The following MSRA variants were observed in gnomAD, a reference collection of about 807,000 sequenced individuals.
MSRA encodes mitochondrial peptide methionine sulfoxide reductase.
Under a neutral mutation model 31.3 loss-of-function variants are expected in MSRA, and 54 were observed. That is an observed-to-expected ratio of 1.73 (90% CI 1.39 to 2.17). The LOEUF (loss-of-function observed/expected upper bound fraction) is 2.17, where lower values mean the gene tolerates loss of function less well. Ranked by LOEUF, MSRA falls within the 30% of genes most tolerant of loss-of-function variation. MSRA has a pLI of 0.00. For missense variants in MSRA, 507 were observed against 300.9 expected, an observed-to-expected ratio of 1.69 and a Z score of -5.07; for synonymous variants, 169 against 116.5, an observed-to-expected ratio of 1.45 and a Z score of -2.90.
chr8:10,234,217 G>C (rs1421276918), intron 2 of MSRA, among the ~76,000 whole-genome samples: 1 of 152,126 alleles, frequency 6.6e-6, no homozygotes, highest in Non-Finnish European at 1.5e-5. Context: ...ACAGTAATTA[G>C]TTAAACAATG....
chr8:10,088,548 A>T (rs911703888), intron 1 of MSRA, among the ~76,000 whole-genome samples: 33 of 152,308 alleles, frequency 2.2e-4, no homozygotes, highest in Admixed American at 2.0e-3. Context: ...CAGCCCAGCC[A>T]ACATGGCGAA....
intron 1 of MSRA, among the ~76,000 whole-genome samples, chr8:10,115,866 C>T (rs1800640425): frequency 6.6e-6 from 1 of 152,196 alleles, no homozygotes; most frequent in Non-Finnish European, 1.5e-5. Flanking sequence ...AAATAGAAAA[C>T]ACACAAAAAT....
chr8:10,104,153 G>T (rs948367569), intron 1 of MSRA, among the ~76,000 whole-genome samples: 3 of 152,130 alleles, frequency 2.0e-5, no homozygotes, highest in African/African-American at 7.2e-5. Flanking sequence ...TGCTACCCAT[G>T]CTGTCATGAC....
intron 1 of MSRA, chr8:10,095,501 GC>G: frequency 1.0e-6 from 1 of 985,524 alleles, no homozygotes; most frequent in Non-Finnish European, 1.2e-6. Context: ...GACTGGCACA[GC>G]CTGGACCTCC....
At chr8:10,054,694 C>CGCTGCGCATGCGCGCCTTTT in intron 1 of MSRA, 36 bp downstream of exon 1, 1 of 1,482,308 alleles carries the variant, frequency 6.7e-7, no homozygotes, top group East Asian at 2.8e-5. Flanking sequence ...CGGGCGGCGA[C>CGCTGCGCATGCGCGCCTTTT]GCTGCGCATG....
At chr8:10,179,413 T>G (rs1352612934) in intron 1 of MSRA, among the ~76,000 whole-genome samples, 1 of 152,200 alleles carries the variant, frequency 6.6e-6, no homozygotes, top group Non-Finnish European at 1.5e-5. Context: ...CATGGTTACT[T>G]TCAGCTCTGA....
chr8:10,185,232 C>G (rs899243032), intron 1 of MSRA, among the ~76,000 whole-genome samples: 6 of 152,168 alleles, frequency 3.9e-5, no homozygotes, highest in African/African-American at 1.4e-4. Flanking sequence ...GGCATTTCAT[C>G]AGTATGCATC....
chr8:10,189,443 T>C (rs1395652790), intron 1 of MSRA, among the ~76,000 whole-genome samples: 1 of 152,222 alleles, frequency 6.6e-6, no homozygotes, highest in Non-Finnish European at 1.5e-5. Context: ...CTGAGAACGT[T>C]CGGTCTGTTA....
At chr8:10,181,950 T>G (rs1585110431) in intron 1 of MSRA, among the ~76,000 whole-genome samples, 1 of 152,108 alleles carries the variant, frequency 6.6e-6, no homozygotes, top group African/African-American at 2.4e-5. Context: ...AGCAGGAGAT[T>G]AAGTAAGAAA....
At chr8:10,268,382 A>G (rs1046738256) in intron 3 of MSRA, among the ~76,000 whole-genome samples, 5 of 151,848 alleles carry the variant, frequency 3.3e-5, no homozygotes, top group Non-Finnish European at 7.4e-5. Flanking sequence ...GGGAGACTAC[A>G]CTCTTTTATT....
intron 5 of MSRA, among the ~76,000 whole-genome samples, chr8:10,390,183 A>C (rs2129179035): frequency 1.3e-5 from 2 of 152,202 alleles, no homozygotes; most frequent in Admixed American, 1.3e-4. Context: ...AGTGCTCGGC[A>C]CCTATATGTT....
chr8:10,354,286 G>C (rs967050234), intron 5 of MSRA, among the ~76,000 whole-genome samples: 7 of 152,128 alleles, frequency 4.6e-5, no homozygotes, highest in Admixed American at 1.3e-4. Flanking sequence ...ATCTGCTACA[G>C]CCTGGATCTC....
chr8:10,291,448 A>G (rs1424910329), intron 3 of MSRA, among the ~76,000 whole-genome samples: 1 of 152,132 alleles, frequency 6.6e-6, no homozygotes. Context: ...AAATGACAGT[A>G]TAGACACTCC....
intron 1 of MSRA, among the ~76,000 whole-genome samples, chr8:10,114,359 G>A (rs1800520308): frequency 1.3e-5 from 2 of 152,196 alleles, no homozygotes; most frequent in South Asian, 4.1e-4. Context: ...ACGTAAGAGT[G>A]GAATTTTTGG....
At chr8:10,103,651 T>C (rs1799679201) in intron 1 of MSRA, among the ~76,000 whole-genome samples, 1 of 152,172 alleles carries the variant, frequency 6.6e-6, no homozygotes, top group Admixed American at 6.5e-5. Context: ...ATAAAGATAA[T>C]GTACCTAATT....
chr8:10,229,530 C>G (rs1048259642), intron 2 of MSRA, among the ~76,000 whole-genome samples: 5 of 151,966 alleles, frequency 3.3e-5, no homozygotes, highest in African/African-American at 1.2e-4. Flanking sequence ...GCTCTGACCT[C>G]GAGTGGACTG....
intron 3 of MSRA, among the ~76,000 whole-genome samples, chr8:10,264,233 A>C (rs1409985498): frequency 6.6e-6 from 1 of 152,198 alleles, no homozygotes; most frequent in African/African-American, 2.4e-5. Context: ...AGTCACTGCT[A>C]TCATTGTTTT....
chr8:10,322,478 G>A (rs1166837657), intron 5 of MSRA, among the ~76,000 whole-genome samples: 1 of 152,194 alleles, frequency 6.6e-6, no homozygotes, highest in African/African-American at 2.4e-5. Flanking sequence ...CCAGGTCATG[G>A]CTGGTGATTT....
At chr8:10,177,912 G>C (rs1045904608) in intron 1 of MSRA, among the ~76,000 whole-genome samples, 2 of 152,120 alleles carry the variant, frequency 1.3e-5, no homozygotes, top group African/African-American at 4.8e-5. Context: ...TGTCTCCTTG[G>C]TCCTAAGTTA....
Sources: gnomAD v4.1 joint callset for allele counts (sites outside exome capture counted in the v4.1 genomes callset) on GRCh38, gnomAD v4.1.1 for gene constraint, MANE v1.5 for transcripts, NCBI Gene and HGNC (gene_info 2026-07-23, HGNC 2026-07-21) for gene names.